The following MAPK8 variants were observed in gnomAD, a reference collection of about 807,000 sequenced individuals.
MAPK8 encodes JUN N-terminal kinase.
A neutral mutation model predicts 52.9 loss-of-function variants in MAPK8; 13 were observed. The observed-to-expected ratio is 0.25, with a 90% CI of 0.16 to 0.39. The LOEUF is 0.39. Among genes scored for constraint, MAPK8 ranks in the 10% least tolerant of loss-of-function variants. The probability of loss-of-function intolerance (pLI) is 1.00; values close to 1 mark genes in which losing one functional copy is unlikely to be tolerated. For synonymous variants in MAPK8, 191 were observed against 169.8 expected (o/e 1.12, Z -0.97); for missense variants, 300 against 519.2 (o/e 0.58, Z 4.10).
At chr10:48,417,042 T>C (rs757629522) in intron 5 of MAPK8, among the ~76,000 whole-genome samples, 102 of 152,256 alleles carry the variant, frequency 6.7e-4, no homozygotes, top group Non-Finnish European at 1.3e-3. Context: ...TGATGGAATG[T>C]TTAGTAGCAT....
At chr10:48,365,309 C>G (rs1238635307) in intron 1 of MAPK8, among the ~76,000 whole-genome samples, 1 of 152,120 alleles carries the variant, frequency 6.6e-6, no homozygotes, top group East Asian at 1.9e-4. Flanking sequence ...ATTTTTCTGG[C>G]TCTGTTGTCT....
chr10:48,401,658 A>G lies in MAPK8; in HGVS notation c.-3A>G. On this transcript the variant is annotated 5_prime_UTR_variant, in exon 2 of 12. Coordinates refer to ENST00000374189, the MANE Select transcript of MAPK8 (RefSeq NM_001323329.2). ...GAAGCCATTAAATTAATTGCTTGCC[A>G]TCATGAGCAGAAGCAAGCGTGACAA... is the stretch of plus-strand genomic sequence containing the variant. The G allele has an allele frequency of 6.2e-7, 1 of 1,611,158 alleles. No homozygotes were observed.
chr10:48,430,923 GCTT>G (rs2044177530), intron 10 of MAPK8: 5 of 449,942 alleles, frequency 1.1e-5, no homozygotes, highest in South Asian at 9.9e-5. Context: ...GAAAAAGAAA[GCTT>G]CTACCCCAGC....
chr10:48,424,419 T>C (rs2043547532), intron 7 of MAPK8: 1 of 798,536 alleles, frequency 1.3e-6, no homozygotes, highest in Non-Finnish European at 2.0e-6. Context: ...TTTTATAATT[T>C]TAAAGTATAC....
intron 1 of MAPK8, among the ~76,000 whole-genome samples, chr10:48,321,604 C>A (rs928986637): frequency 1.3e-5 from 2 of 152,174 alleles, no homozygotes; most frequent in African/African-American, 2.4e-5. Context: ...GTCATGAAGA[C>A]AACTTCTGCA....
At chr10:48,351,051 A>G (rs1846272810) in intron 1 of MAPK8, among the ~76,000 whole-genome samples, 1 of 152,162 alleles carries the variant, frequency 6.6e-6, no homozygotes, top group Admixed American at 6.6e-5. Context: ...CTAGGAATAC[A>G]TCTTACAAGG....
intron 1 of MAPK8, among the ~76,000 whole-genome samples, chr10:48,368,828 C>T (rs769916730): frequency 1.1e-4 from 16 of 152,292 alleles, no homozygotes; most frequent in South Asian, 8.3e-4. Flanking sequence ...GGTTCAGTAT[C>T]AGATGCGTCC....
chr10:48,393,662 T>A (rs1383083849), intron 1 of MAPK8, among the ~76,000 whole-genome samples: 1 of 152,104 alleles, frequency 6.6e-6, no homozygotes, highest in African/African-American at 2.4e-5. Flanking sequence ...TTAAAGTGTC[T>A]GCTTTATTGT....
intron 1 of MAPK8, among the ~76,000 whole-genome samples, chr10:48,335,731 A>G (rs1240403646): frequency 6.6e-6 from 1 of 152,230 alleles, no homozygotes; most frequent in African/African-American, 2.4e-5. Flanking sequence ...TGGCCCCTGT[A>G]CTTCAGTATA....
At chr10:48,338,269 G>GT (rs763364995) in intron 1 of MAPK8, among the ~76,000 whole-genome samples, 33 of 152,054 alleles carry the variant, frequency 2.2e-4, no homozygotes, top group Admixed American at 8.5e-4. Context: ...GATCAGGTAG[G>GT]TTTTTTCCTA....
In MAPK8 at chr10:48,311,039, A is replaced by G. The variant is rs76972294; in HGVS notation, c.-50+4218A>G. ...TGTGGTATAGGCTAGTTCAGGTTAT[A>G]TAACATATTTGGGCCTGTTTTATTA... On this transcript the variant is annotated intron_variant, in intron 1 of 11. Coordinates refer to ENST00000374189, the MANE Select transcript of MAPK8 (RefSeq NM_001323329.2). Among the ~76,000 whole-genome samples, 1,056 of 152,188 alleles carry G rather than the reference A, an allele frequency of 6.9e-3. 8 individuals carry two copies. The highest frequency in any genetic ancestry group is 0.023 in the African/African-American group (972 of 41,514).
intron 1 of MAPK8, among the ~76,000 whole-genome samples, 191 bp from the exon 2 acceptor site, chr10:48,401,421 A>AT (rs1305999133): frequency 2.0e-5 from 3 of 152,138 alleles, no homozygotes. Flanking sequence ...TTTAAAAAAA[A>AT]CTATCAGTCA....
At chr10:48,324,016 C>G (rs1481838361) in intron 1 of MAPK8, among the ~76,000 whole-genome samples, 1 of 152,166 alleles carries the variant, frequency 6.6e-6, no homozygotes, top group African/African-American at 2.4e-5. Context: ...TGACTTCATT[C>G]TCCCACATCA....
At chr10:48,397,206 T>TA (rs1286334706) in intron 1 of MAPK8, among the ~76,000 whole-genome samples, 1 of 152,004 alleles carries the variant, frequency 6.6e-6, no homozygotes, top group East Asian at 1.9e-4. Context: ...TAGCATGCAG[T>TA]AGTGCTATCA....
chr10:48,429,148 A>C (rs1244969462), intron 10 of MAPK8, among the ~76,000 whole-genome samples: 1 of 152,048 alleles, frequency 6.6e-6, no homozygotes, highest in Admixed American at 6.5e-5. Context: ...AATTTTGTAG[A>C]GATGGGGTCT....
chr10:48,318,308 A>G (rs996599315), intron 1 of MAPK8, among the ~76,000 whole-genome samples: 2 of 152,216 alleles, frequency 1.3e-5, no homozygotes, highest in Non-Finnish European at 2.9e-5. Flanking sequence ...TGTAGATATT[A>G]ATCACATCTA....
intron 1 of MAPK8, among the ~76,000 whole-genome samples, chr10:48,387,245 G>A (rs571534944): frequency 1.3e-5 from 2 of 152,264 alleles, no homozygotes; most frequent in African/African-American, 4.8e-5. Flanking sequence ...TAAGTGGCCA[G>A]GGCAAACAAA....
intron 1 of MAPK8, among the ~76,000 whole-genome samples, chr10:48,384,929 TC>T (rs1185875973): frequency 6.6e-6 from 1 of 152,202 alleles, no homozygotes; most frequent in Non-Finnish European, 1.5e-5. Context: ...AGGACACACT[TC>T]CAAGTGGTCT....
chr10:48,412,254 C>A (rs530447077), intron 5 of MAPK8, among the ~76,000 whole-genome samples: 1 of 152,326 alleles, frequency 6.6e-6, no homozygotes, highest in East Asian at 1.9e-4. Flanking sequence ...GACAAATGCA[C>A]CTCTCTTGCT....
Sources: gnomAD v4.1 joint callset for allele counts (sites outside exome capture counted in the v4.1 genomes callset) on GRCh38, gnomAD v4.1.1 for gene constraint, MANE v1.5 for transcripts, NCBI Gene and HGNC (gene_info 2026-07-23, HGNC 2026-07-21) for gene names.